Variants in MMEL1 observed in about 807,000 individuals in gnomAD.
MMEL1 encodes the protein membrane metalloendopeptidase like 1, also known as membrane metallo-endopeptidase-like 1.
In MMEL1, 98 loss-of-function variants were observed where a neutral mutation model predicts 117.1. The ratio of observed to expected loss-of-function variants is 0.84; its 90% confidence interval spans 0.71 to 0.99. MMEL1 has a LOEUF of 0.99. Ranked by LOEUF, MMEL1 falls within the 50% of genes least tolerant of loss-of-function variation. The probability of loss-of-function intolerance (pLI) is 0.00; values close to 1 mark genes in which losing one functional copy is unlikely to be tolerated. For synonymous variants in MMEL1, 390 were observed against 415.1 expected (o/e 0.94, Z 0.74); for missense variants, 1,014 against 1,049.1 (o/e 0.97, Z 0.46).
At position 2,598,857 on chromosome 1, in the gene MMEL1, A is replaced by G. The variant is rs1644888434; in HGVS notation, c.1042-67T>C. ...AGGGAGAAACAGTTCCTGGGAATCT[A>G]AGAAACCCAGCCCCTGTTGAAGAAT... On this transcript the variant is annotated intron_variant, in intron 11 of 23. Coordinates refer to ENST00000378412, the MANE Select transcript of MMEL1 (RefSeq NM_033467.4). 19 of 1,389,126 alleles carry G rather than the reference A, an allele frequency of 1.4e-5. No homozygotes were observed. In the South Asian group the frequency reaches 2.3e-4, roughly 17 times the overall value. 86.1% of individuals were successfully genotyped at this position (1,389,126 alleles called of 1,614,324 possible).
chr1:2,590,907 C>T lies in MMEL1; in HGVS notation c.*83G>A. On this transcript the variant is annotated 3_prime_UTR_variant, in exon 24 of 24. Transcript: ENST00000378412. ...ATGGTTGGCCGGGGCGGGACGTACA[C>T]TGGGTCGCCGCTAGCTGCACCTTCG... 1 of 1,132,620 alleles carries T rather than the reference C, an allele frequency of 8.8e-7. No individual in the cohort carries two copies. Among genetic ancestry groups the T allele is most frequent in the Non-Finnish European group, 1.2e-6 (1 of 859,408 alleles). 70.2% of individuals were successfully genotyped at this position (1,132,620 alleles called of 1,614,324 possible). A position where few individuals can be genotyped will look rare whatever the true frequency, so the allele number is the denominator to read the frequency against.
chr1:2,629,615 C>T (rs1638450449), intron 1 of MMEL1, 94 bp from the exon 2 acceptor site: 4 of 1,149,320 alleles, frequency 3.5e-6, no homozygotes, highest in Non-Finnish European at 4.7e-6. Flanking sequence ...TGGGAGCGGG[C>T]GCTGGGTGCC....
chr1:2,605,901 C>T (rs1048602143), intron 8 of MMEL1, among the ~76,000 whole-genome samples: 8 of 152,122 alleles, frequency 5.3e-5, no homozygotes, highest in African/African-American at 1.7e-4. Flanking sequence ...CAGAGTGGGG[C>T]GCGTATTTGT....
intron 9 of MMEL1, among the ~76,000 whole-genome samples, chr1:2,605,209 G>A (rs1430388371): frequency 2.6e-5 from 4 of 152,112 alleles, no homozygotes; most frequent in Non-Finnish European, 5.9e-5. Context: ...GAGCAGGCTC[G>A]GGGCCCAGCT....
At chr1:2,601,811 C>A (rs10910098) in intron 11 of MMEL1, among the ~76,000 whole-genome samples, 62,756 of 152,128 alleles carry the variant, frequency 0.41, 13,918 homozygotes, top group African/African-American at 0.56. Context: ...GTTTAACCTC[C>A]TCCGCCCTTG....
rs370915846 is a variant in MMEL1 at position 2,595,975 on chromosome 1, G to A, written c.1500+34C>T. On this transcript the variant is annotated intron_variant, in intron 15 of 23. Coordinates refer to ENST00000378412, the MANE Select transcript of MMEL1 (RefSeq NM_033467.4). The surrounding 1 kb of genome is among the most constrained non-coding windows in gnomAD (Gnocchi z 4.8). ...GCGGTGCTGCCCGTGCCCAGATCCA[G>A]TCGGGGCTGCCCTGACCTCTGCGAG... The A allele has an allele frequency of 2.5e-6, 4 of 1,578,852 alleles. No individual in the cohort carries two copies. Among genetic ancestry groups the A allele is most frequent in the Non-Finnish European group, 3.5e-6 (4 of 1,148,884 alleles).
At chr1:2,604,800 G>C (rs1259881971) in intron 9 of MMEL1, among the ~76,000 whole-genome samples, 2 of 152,170 alleles carry the variant, frequency 1.3e-5, no homozygotes, top group African/African-American at 4.8e-5. Context: ...CAATGCTCTG[G>C]CCAGGCTTGG....
At chr1:2,631,362 C>T (rs1267682551) in intron 1 of MMEL1, among the ~76,000 whole-genome samples, 1 of 152,122 alleles carries the variant, frequency 6.6e-6, no homozygotes, top group Non-Finnish European at 1.5e-5. Flanking sequence ...CTGCCAGCAC[C>T]TGGGCTAAAT....
At chr1:2,623,872 G>C (rs1645328524) in intron 2 of MMEL1, among the ~76,000 whole-genome samples, 1 of 152,170 alleles carries the variant, frequency 6.6e-6, no homozygotes, top group Non-Finnish European at 1.5e-5. Context: ...CTCACGCCCA[G>C]GAACCAGGCA....
chr1:2,604,135 C>CCCCCCCCAAACAAA lies in MMEL1; in HGVS notation c.951+11_951+12insTTTGTTTGGGGGGG. On this transcript the variant is annotated intron_variant, in intron 10 of 23. Coordinates refer to ENST00000378412, the MANE Select transcript of MMEL1 (RefSeq NM_033467.4). ...CTCGCTGCCCGCTCCCCACCCGCCCCGGCCCCCTTACCTTGGCCAGCTGTG... is the reference window on the plus strand; with the variant it reads ...CTCGCTGCCCGCTCCCCACCCGCCCCCCCCCCCAAACAAAGGCCCCCTTACCTTGGCCAGCTGTG... The CCCCCCCCAAACAAA allele has an allele frequency of 6.6e-7, 1 of 1,520,160 alleles. No individual in the cohort carries two copies. Among genetic ancestry groups the CCCCCCCCAAACAAA allele is most frequent in the Non-Finnish European group, 9.1e-7 (1 of 1,100,354 alleles). The allele number at this position is 1,520,160 out of a possible 1,614,324, so 94.2% of individuals were successfully genotyped here. A position where few individuals can be genotyped will look rare whatever the true frequency, so the allele number is the denominator to read the frequency against.
intron 3 of MMEL1, among the ~76,000 whole-genome samples, chr1:2,611,814 C>T (rs1167934968): frequency 2.0e-5 from 3 of 152,244 alleles, no homozygotes; most frequent in Admixed American, 2.0e-4. Context: ...GCCAGCTCCT[C>T]CAGGCAGCCT....
rs777407372 is a variant in MMEL1 at position 2,598,230 on chromosome 1, C to T, written c.1249G>A (p.Asp417Asn). The T allele has an allele frequency of 1.8e-5, 29 of 1,613,924 alleles. No individual in the cohort carries two copies. In the East Asian group the frequency reaches 5.8e-4, roughly 32 times the overall value. ...RIGSLSQRFK[D>N]TRVNYRKALF... ...ACCTTGCGGTAGTTCACTCGTGTGTCCTTGAATCTCTGGCTTAGGCTACCA... is the reference window on the plus strand; with the variant it reads ...ACCTTGCGGTAGTTCACTCGTGTGTTCTTGAATCTCTGGCTTAGGCTACCA... Residue 417 changes from aspartate to asparagine, a missense_variant, in exon 13 of 24, where the codon GAC becomes AAC. Coordinates refer to ENST00000378412, the MANE Select transcript of MMEL1 (RefSeq NM_033467.4).
At chr1:2,613,879 A>T (rs1176060372) in intron 2 of MMEL1, among the ~76,000 whole-genome samples, 1 of 152,124 alleles carries the variant, frequency 6.6e-6, no homozygotes, top group Non-Finnish European at 1.5e-5. Context: ...AAAAACAAAA[A>T]ACAAAAAACT....
chr1:2,629,453 A>G lies in MMEL1; in HGVS notation c.32T>C (p.Val11Ala). 1.3e-6 allele frequency: 2 copies of G among 1,538,562 alleles called. No homozygotes were observed. The highest frequency in any genetic ancestry group is 4.9e-5 in the East Asian group (2 of 40,450). The change falls in exon 2 of 24, where the codon GTG becomes GCG. Residue 11 changes from valine to alanine, a missense_variant. Coordinates refer to ENST00000378412, the MANE Select transcript of MMEL1 (RefSeq NM_033467.4). MGKSEGPVGM[V>A]ESAGRAGQKR... Reference sequence around the variant, plus strand: ...CTGCCCTGCACGGCCGGCGCTCTCCACCATCCCCACTGGGCCTTCGGACTT... The same window carrying G: ...CTGCCCTGCACGGCCGGCGCTCTCCGCCATCCCCACTGGGCCTTCGGACTT...
chr1:2,617,779 C>G (rs1051387249), intron 2 of MMEL1, among the ~76,000 whole-genome samples: 5 of 152,104 alleles, frequency 3.3e-5, no homozygotes, highest in African/African-American at 1.2e-4. Context: ...ACAGTGAGAC[C>G]CTTTTGACAC....
rs770473116 is a variant in MMEL1 at position 2,603,969 on chromosome 1, G to A, written c.956C>T (p.Thr319Met). 1.2e-5 allele frequency: 19 copies of A among 1,613,542 alleles called. No homozygotes were observed. In the East Asian group the frequency reaches 2.7e-4, roughly 23 times the overall value. ...GTCGTGTCTCTCCTCCTGGGGTACC[G>A]TGGCCTGTGCCGGGGATAGCAGTCA... ...LELETQLAKA[T>M]VPQEERHDVI... The change falls in exon 11 of 24, where the codon ACG becomes ATG. Residue 319 changes from threonine (T) to methionine (M), a missense_variant. Coordinates refer to ENST00000378412, the MANE Select transcript of MMEL1 (RefSeq NM_033467.4).
At chr1:2,628,056 T>TG (rs1238124471) in intron 2 of MMEL1, among the ~76,000 whole-genome samples, 1 of 152,198 alleles carries the variant, frequency 6.6e-6, no homozygotes, top group African/African-American at 2.4e-5. Context: ...GGGGTGTGTG[T>TG]GGGGTCAGCC....
intron 10 of MMEL1, 64 bp downstream of exon 10, chr1:2,604,083 G>A: frequency 1.3e-6 from 2 of 1,572,154 alleles, no homozygotes; most frequent in African/African-American, 1.3e-5. Context: ...ACCTTGGCCA[G>A]CCACACCGCC....
At chr1:2,606,445 C>T (rs934183867) in intron 7 of MMEL1, 79 bp from the exon 8 acceptor site, 3 of 1,102,344 alleles carry the variant, frequency 2.7e-6, no homozygotes, top group South Asian at 2.6e-5. Context: ...AATCTGGCCT[C>T]CGGAGCCAGG....
Sources: allele counts gnomAD v4.1 joint callset (sites outside exome capture counted in the v4.1 genomes callset), GRCh38; gene constraint gnomAD v4.1.1; non-coding constraint Gnocchi (gnomAD v3.1); transcripts MANE v1.5; gene names NCBI Gene and HGNC (gene_info 2026-07-23, HGNC 2026-07-21).